RPRD2: variants seen among roughly 807,000 people sequenced by gnomAD.
RPRD2 encodes regulation of nuclear pre-mRNA domain-containing protein 2.
A neutral mutation model predicts 104.4 loss-of-function variants in RPRD2; 12 were observed. The observed-to-expected ratio is 0.11, with a 90% confidence interval of 0.07 to 0.19. The LOEUF is 0.19. RPRD2 is among the 10% of genes least tolerant of loss of function. The pLI is 1.00. For synonymous variants in RPRD2, 714 were observed against 684.9 expected (o/e 1.04, Z -0.66); for missense variants, 1,543 against 1,790.1 (o/e 0.86, Z 2.49).
intron 6 of RPRD2, among the ~76,000 whole-genome samples, chr1:150,444,717 C>T (rs981300778): frequency 6.6e-6 from 1 of 152,010 alleles, no homozygotes; most frequent in Non-Finnish European, 1.5e-5. Context: ...GTAAATCATA[C>T]TAATAATTTA....
At chr1:150,455,522 T>A (rs143933438) in intron 7 of RPRD2, among the ~76,000 whole-genome samples, 2,399 of 148,128 alleles carry the variant, frequency 0.016, 67 homozygotes, top group African/African-American at 0.054. Flanking sequence ...AGAAAGAAAG[T>A]CCAGCAAAGT....
intron 1 of RPRD2, among the ~76,000 whole-genome samples, chr1:150,402,307 A>C (rs1012477568): frequency 6.6e-6 from 1 of 152,226 alleles, no homozygotes; most frequent in Non-Finnish European, 1.5e-5. Flanking sequence ...TCTTCAGTTC[A>C]GCAGTTCTAC....
At chr1:150,401,891 C>T (rs1663049560) in intron 1 of RPRD2, among the ~76,000 whole-genome samples, 1 of 151,824 alleles carries the variant, frequency 6.6e-6, no homozygotes, top group Non-Finnish European at 1.5e-5. Context: ...GATCCGCCTG[C>T]CTTGGCCTCC....
chr1:150,466,377 CAAAAAAA>C (rs34200262), intron 10 of RPRD2, among the ~76,000 whole-genome samples: 1 of 105,042 alleles, frequency 9.5e-6, no homozygotes, highest in East Asian at 3.3e-4. Context: ...GACTCTGTCT[CAAAAAAA>C]AAAAAAAAAA....
At chr1:150,403,765 C>T (rs1663254528) in intron 1 of RPRD2, among the ~76,000 whole-genome samples, 1 of 152,092 alleles carries the variant, frequency 6.6e-6, no homozygotes, top group Non-Finnish European at 1.5e-5. Flanking sequence ...TCTCATGCCT[C>T]AGCCTTCCGA....
chr1:150,397,479 A>G (rs778498391), intron 1 of RPRD2, among the ~76,000 whole-genome samples: 8 of 152,076 alleles, frequency 5.3e-5, no homozygotes, highest in Admixed American at 1.3e-4. Context: ...ATTCTTCCCC[A>G]TTTTTATTGA....
chr1:150,473,140 C>A lies in RPRD2; in HGVS notation c.4192C>A (p.Pro1398Thr), dbSNP rs752662984. Residue 1398 changes from proline (P) to threonine (T), a missense_variant, in exon 11 of 11, where the codon CCC becomes ACC. Physicochemically the swap from Pro to Thr is conservative, Grantham distance 38. This residue lies in a region of RPRD2 where 880 missense variants were observed against 885.6 expected (regional missense o/e 0.99). Coordinates refer to ENST00000369068, the MANE Select transcript of RPRD2 (RefSeq NM_015203.5). ...AGGCAGCAACAGCAGCAGTGGCCCC[C>A]CCTTGGGTCCCTCACACAGAGACAC... ...GGGSNSSSGPPLGPSHRDTIS... is the reference protein window; with the variant it reads ...GGGSNSSSGPTLGPSHRDTIS... The A allele has an allele frequency of 3.1e-6, 5 of 1,613,858 alleles. No individual in the cohort carries two copies. In the East Asian group the frequency reaches 6.7e-5, roughly 22 times the overall value.
chr1:150,380,967 G>A (rs1209262154), intron 1 of RPRD2, among the ~76,000 whole-genome samples: 1 of 152,002 alleles, frequency 6.6e-6, no homozygotes, highest in African/African-American at 2.4e-5. Flanking sequence ...TTTCTTTATG[G>A]CTTTTCTCAT....
intron 1 of RPRD2, among the ~76,000 whole-genome samples, chr1:150,381,430 A>C (rs1661120641): frequency 6.6e-6 from 1 of 152,088 alleles, no homozygotes; most frequent in Non-Finnish European, 1.5e-5. Context: ...CAAAAACACA[A>C]AAGTGCTTAA....
At chr1:150,432,171 A>T (rs1665643685) in intron 2 of RPRD2, among the ~76,000 whole-genome samples, 1 of 136,472 alleles carries the variant, frequency 7.3e-6, no homozygotes, top group African/African-American at 2.5e-5. Flanking sequence ...AAGACCCTAA[A>T]TCTTAAAAAA....
intron 2 of RPRD2, among the ~76,000 whole-genome samples, chr1:150,440,102 C>T (rs1374252742): frequency 3.3e-5 from 5 of 152,148 alleles, no homozygotes; most frequent in Non-Finnish European, 5.9e-5. Flanking sequence ...TGTGCCACCA[C>T]ATGTGGCTAA....
At chr1:150,445,279 A>G (rs1666682357) in intron 6 of RPRD2, among the ~76,000 whole-genome samples, 1 of 152,208 alleles carries the variant, frequency 6.6e-6, no homozygotes, top group Non-Finnish European at 1.5e-5. Flanking sequence ...CACATGAGAG[A>G]TCTGAGGTCT....
At chr1:150,390,504 T>A (rs1027541892) in intron 1 of RPRD2, among the ~76,000 whole-genome samples, 20 of 150,856 alleles carry the variant, frequency 1.3e-4, no homozygotes, top group African/African-American at 3.4e-4. Context: ...TCTCAAAAAA[T>A]AAATAAATAA....
chr1:150,459,978 A>G (rs1298751292), intron 8 of RPRD2, 82 bp from the exon 9 acceptor site: 1 of 1,348,050 alleles, frequency 7.4e-7, no homozygotes, highest in African/African-American at 1.5e-5. Flanking sequence ...CAAGTCCGGA[A>G]ATATTAGGAC....
chr1:150,435,622 ACT>A (rs1190061468), intron 2 of RPRD2, among the ~76,000 whole-genome samples: 2 of 152,228 alleles, frequency 1.3e-5, no homozygotes, highest in African/African-American at 4.8e-5. Context: ...CAAGGCCCTA[ACT>A]CTCCTCAATT....
Position 150,464,687 on chromosome 1 carries a change from A to G in RPRD2, c.1572A>G (p.Ala524=). Residue 524 remains alanine, a synonymous_variant, in exon 10 of 11, where the codon GCA becomes GCG. Coordinates refer to ENST00000369068, the MANE Select transcript of RPRD2 (RefSeq NM_015203.5). The stretch of plus-strand genomic sequence containing the variant: ...TCACCCCAGAGAGCATTCTGTCTGC[A>G]CTTTCCAAAACCCAGACACAGTCAG... ...VEITPESILS[A]LSKTQTQSAP... is the part of the protein sequence containing the mutation. The G allele has an allele frequency of 6.2e-7, 1 of 1,613,042 alleles. No individual in the cohort carries two copies. The highest frequency in any genetic ancestry group is 8.5e-7 in the Non-Finnish European group (1 of 1,179,482).
chr1:150,469,565 C>G (rs1312028004), intron 10 of RPRD2, among the ~76,000 whole-genome samples: 1 of 152,168 alleles, frequency 6.6e-6, no homozygotes. Flanking sequence ...GCATGAGCCA[C>G]CGTGCCCAGC....
At chr1:150,393,454 C>CA (rs1203478537) in intron 1 of RPRD2, among the ~76,000 whole-genome samples, 11,808 of 55,320 alleles carry the variant, frequency 0.21, 907 homozygotes, top group East Asian at 0.44. Flanking sequence ...GACCCTGTCT[C>CA]AAAAAAAAAA....
At chr1:150,437,977 T>TAAA (rs35517552) in intron 2 of RPRD2, among the ~76,000 whole-genome samples, 1,472 of 129,588 alleles carry the variant, frequency 0.011, 20 homozygotes, top group Non-Finnish European at 0.017. Context: ...TGTCATTATT[T>TAAA]AAAAAAAAAA....
Sources: allele counts gnomAD v4.1 joint callset (sites outside exome capture counted in the v4.1 genomes callset), GRCh38; gene constraint gnomAD v4.1.1; regional missense constraint gnomAD v4.1.1; transcripts MANE v1.5; gene names NCBI Gene and HGNC (gene_info 2026-07-23, HGNC 2026-07-21).